The following COL22A1 variants were observed in gnomAD, a reference collection of about 807,000 sequenced individuals.
COL22A1 encodes the protein collagen type XXII alpha 1 chain, also known as collagen alpha-1(XXII) chain.
A neutral mutation model predicts 248.9 loss-of-function variants in COL22A1; 221 were observed. The ratio of observed to expected loss-of-function variants is 0.89; its 90% CI spans 0.80 to 0.99. COL22A1 has a LOEUF of 0.99. COL22A1 is among the 50% of genes least tolerant of loss of function. COL22A1 has a pLI of 0.00. For synonymous variants in COL22A1, 891 were observed against 793.4 expected, an observed-to-expected ratio of 1.12 and a Z score of -2.07; for missense variants, 2,240 against 2,179.0, an observed-to-expected ratio of 1.03 and a Z score of -0.56.
At position 138,780,924 on chromosome 8, in the gene COL22A1, T is replaced by C. The variant is rs747588418; in HGVS notation, c.1650+3A>G. 3.7e-6 allele frequency: 6 copies of C among 1,613,058 alleles called. No individual in the cohort carries two copies. In the East Asian group the frequency reaches 6.7e-5, roughly 18 times the overall value. ...GAGCCAGGGCAGACGGAACAGAACTTACTCTCATGCCTTTGCTGCCGTCTC... is the reference window on the plus strand; with the variant it reads ...GAGCCAGGGCAGACGGAACAGAACTCACTCTCATGCCTTTGCTGCCGTCTC... On this transcript the variant is annotated splice_donor_region_variant and intron_variant, in intron 13 of 64. Coordinates refer to ENST00000303045, the MANE Select transcript of COL22A1 (RefSeq NM_152888.3).
chr8:138,824,958 C>T (rs1205000852), intron 6 of COL22A1, among the ~76,000 whole-genome samples: 1 of 152,196 alleles, frequency 6.6e-6, no homozygotes, highest in Non-Finnish European at 1.5e-5. Context: ...CTCATTTTGA[C>T]AGAAGGAGGG....
chr8:138,751,263 G>A (rs1300503868), intron 22 of COL22A1, among the ~76,000 whole-genome samples, 195 bp downstream of exon 22: 1 of 152,152 alleles, frequency 6.6e-6, no homozygotes, highest in African/African-American at 2.4e-5. Context: ...CCATGTCCCT[G>A]AAGCCCAACT....
chr8:138,607,820 C>T, intron 57 of COL22A1, 116 bp downstream of exon 57: 1 of 955,852 alleles, frequency 1.0e-6, no homozygotes, highest in Non-Finnish European at 1.6e-6. Context: ...ACCACTCAAA[C>T]CCATATGTCC....
At chr8:138,664,214 C>T (rs1372788426) in intron 41 of COL22A1, among the ~76,000 whole-genome samples, 1 of 49,988 alleles carries the variant, frequency 2.0e-5, no homozygotes, top group Non-Finnish European at 5.4e-5. Flanking sequence ...CGCGCGCACA[C>T]ACACACACAC....
chr8:138,693,811 C>T (rs984174595), intron 34 of COL22A1, 112 bp from the exon 35 acceptor site: 3 of 1,121,734 alleles, frequency 2.7e-6, no homozygotes, highest in African/African-American at 3.1e-5. Flanking sequence ...TTATTCCAAA[C>T]TGAAGGGGCC....
chr8:138,781,838 G>A (rs368450480), intron 12 of COL22A1, among the ~76,000 whole-genome samples: 38 of 152,292 alleles, frequency 2.5e-4, no homozygotes, highest in African/African-American at 7.9e-4. Flanking sequence ...GCAAGGCTGC[G>A]CCTCTCTCTG....
At chr8:138,646,394 T>C (rs529040194) in intron 47 of COL22A1, among the ~76,000 whole-genome samples, 1 of 152,340 alleles carries the variant, frequency 6.6e-6, no homozygotes, top group African/African-American at 2.4e-5. Flanking sequence ...AATTCTTCCA[T>C]GCATTTCATA....
At chr8:138,865,601 ATGTT>A (rs778292562) in intron 3 of COL22A1, among the ~76,000 whole-genome samples, 1 of 118,442 alleles carries the variant, frequency 8.4e-6, no homozygotes, top group African/African-American at 3.2e-5. Context: ...ATGTGTGTGT[ATGTT>A]TGTATGCCTG....
chr8:138,634,898 G>T, intron 49 of COL22A1, 112 bp downstream of exon 49: 2 of 789,688 alleles, frequency 2.5e-6, no homozygotes, highest in South Asian at 1.6e-5. Flanking sequence ...TTGGGTGTTG[G>T]GCCATCCCTT....
At chr8:138,657,501 T>C (rs1587784907) in intron 44 of COL22A1, among the ~76,000 whole-genome samples, 1 of 151,666 alleles carries the variant, frequency 6.6e-6, no homozygotes, top group African/African-American at 2.4e-5. Flanking sequence ...GAATGAGGAG[T>C]GGATTTTCAG....
At chr8:138,782,637 A>T (rs936100423) in intron 12 of COL22A1, among the ~76,000 whole-genome samples, 10 of 152,176 alleles carry the variant, frequency 6.6e-5, no homozygotes, top group Non-Finnish European at 1.2e-4. Context: ...GAGACCTTAA[A>T]CACACCCTGG....
chr8:138,655,776 G>A lies in COL22A1; in HGVS notation c.3333+121C>T, dbSNP rs140281662. On this transcript the variant is annotated intron_variant, in intron 45 of 64. Coordinates refer to ENST00000303045, the MANE Select transcript of COL22A1 (RefSeq NM_152888.3). ...ACATGCTGAGTTGTCAACTAATGGC[G>A]CTGCTGTTATCGTTAATACTACCAA... The A allele has an allele frequency of 1.2e-3, 1,013 of 832,588 alleles. 15 individuals carry two copies. The East Asian group carries it at 0.022, about 18-fold the overall frequency. The allele number at this position is 832,588 out of a possible 1,614,324, so 51.6% of individuals were successfully genotyped here. A position where few individuals can be genotyped will look rare whatever the true frequency, so the allele number is the denominator to read the frequency against.
At chr8:138,836,323 G>A (rs555009396) in intron 4 of COL22A1, among the ~76,000 whole-genome samples, 1 of 152,216 alleles carries the variant, frequency 6.6e-6, no homozygotes, top group East Asian at 1.9e-4. Flanking sequence ...AAAGGAAAAG[G>A]AAAAGGAAAA....
intron 25 of COL22A1, among the ~76,000 whole-genome samples, chr8:138,723,363 TGAGGG>T (rs775923704): frequency 4.6e-5 from 7 of 152,134 alleles, no homozygotes; most frequent in Non-Finnish European, 1.0e-4. Context: ...GAAGGGCTTT[TGAGGG>T]GATTAAGGCT....
intron 41 of COL22A1, among the ~76,000 whole-genome samples, chr8:138,675,754 A>T (rs2130797888): frequency 6.6e-6 from 1 of 152,360 alleles, no homozygotes; most frequent in Non-Finnish European, 1.5e-5. Context: ...TCAGTAAAGA[A>T]GGAAAGAAAA....
intron 41 of COL22A1, among the ~76,000 whole-genome samples, chr8:138,674,516 T>C (rs966920476): frequency 1.3e-5 from 2 of 152,240 alleles, no homozygotes; most frequent in African/African-American, 2.4e-5. Flanking sequence ...GTAGCCAAGA[T>C]ACTAAACAGT....
chr8:138,613,751 C>T, intron 56 of COL22A1, 116 bp downstream of exon 56: 2 of 1,000,444 alleles, frequency 2.0e-6, no homozygotes, highest in Non-Finnish European at 3.2e-6. Flanking sequence ...ACTGCTAAAA[C>T]ATATTACAAT....
rs1823909370 is a variant in COL22A1 at position 138,878,310 on chromosome 8, T to C, written c.98A>G (p.Lys33Arg). 1.9e-6 allele frequency: 3 copies of C among 1,543,932 alleles called. No individual in the cohort carries two copies. Among genetic ancestry groups the C allele is most frequent in the African/African-American group, 1.4e-5 (1 of 73,460 alleles). ...GGCQAQRAGC[K>R]SVHYDLVFLL... ...GAAGACCAGATCGTAGTGGACACTT[T>C]TGCAACCTGCAGGGGTGAGAGAAGG... is the stretch of plus-strand genomic sequence containing the variant. The change falls in exon 3 of 65, where the codon AAA (lysine) becomes AGA (arginine). Residue 33 changes from lysine to arginine, a missense_variant. Coordinates refer to ENST00000303045, the MANE Select transcript of COL22A1 (RefSeq NM_152888.3).
intron 43 of COL22A1, among the ~76,000 whole-genome samples, chr8:138,661,085 CAAACAT>C (rs1823913473): frequency 4.9e-5 from 5 of 102,726 alleles, no homozygotes; most frequent in Admixed American, 2.2e-4. Context: ...TACATACACA[CAAACAT>C]ACACACACAC....
Sources: allele counts gnomAD v4.1 joint callset (sites outside exome capture counted in the v4.1 genomes callset), GRCh38; gene constraint gnomAD v4.1.1; transcripts MANE v1.5; gene names NCBI Gene and HGNC (gene_info 2026-07-23, HGNC 2026-07-21).